The following CACNA1C variants were observed in gnomAD, a reference collection of about 807,000 sequenced individuals.
CACNA1C encodes the protein calcium voltage-gated channel subunit alpha1 C.
A neutral mutation model predicts 229.0 loss-of-function variants in CACNA1C; 30 were observed. That is an observed-to-expected ratio of 0.13 (90% CI 0.10 to 0.18). CACNA1C has a LOEUF of 0.18. CACNA1C is among the 10% of genes least tolerant of loss of function. The probability of loss-of-function intolerance (pLI) is 1.00; values close to 1 mark genes in which losing one functional copy is unlikely to be tolerated. For missense variants in CACNA1C, 1,658 were observed against 2,845.0 expected (o/e 0.58, Z 9.49); for synonymous variants, 1,114 against 1,132.5 (o/e 0.98, Z 0.33).
intron 3 of CACNA1C, among the ~76,000 whole-genome samples, chr12:2,127,962 T>C (rs2090779858): frequency 6.6e-6 from 1 of 152,236 alleles, no homozygotes; most frequent in African/African-American, 2.4e-5. Flanking sequence ...TAAATTATGC[T>C]TTCTATTTAT....
chr12:2,265,133 A>T (rs367737320), intron 3 of CACNA1C, among the ~76,000 whole-genome samples: 4 of 152,154 alleles, frequency 2.6e-5, no homozygotes, highest in African/African-American at 9.7e-5. Flanking sequence ...GAAGATCAGC[A>T]TCTTTGCTGG....
chr12:2,335,208 G>C lies in CACNA1C; in HGVS notation c.478-113768G>C, dbSNP rs10491963. Among the ~76,000 whole-genome samples, 274 of 152,286 alleles carry C rather than the reference G, an allele frequency of 1.8e-3. 2 individuals are homozygous for C. Among genetic ancestry groups the C allele is most frequent in the East Asian group, 0.014 (73 of 5,176 alleles). On this transcript the variant is annotated intron_variant, in intron 3 of 46. Transcript: ENST00000399655. Reference sequence around the variant, plus strand: ...CTCACCCGGCAGCCTCATCTTGGCTGCTGGCGATTTTAGGCTGGGTTCCAC... The same window carrying C: ...CTCACCCGGCAGCCTCATCTTGGCTCCTGGCGATTTTAGGCTGGGTTCCAC...
intron 1 of CACNA1C, among the ~76,000 whole-genome samples, chr12:2,068,600 A>G (rs2060207337): frequency 6.6e-6 from 1 of 152,246 alleles, no homozygotes; most frequent in African/African-American, 2.4e-5. Context: ...ATGCATAGAC[A>G]GTCCAGTGGC....
intron 1 of CACNA1C, among the ~76,000 whole-genome samples, chr12:2,021,741 G>T (rs1030275867): frequency 6.6e-6 from 1 of 152,052 alleles, no homozygotes; most frequent in Admixed American, 6.5e-5. Flanking sequence ...AGATCTAGGC[G>T]CCAGCATCTG....
Position 2,632,768 on chromosome 12 carries a change from G to A in CACNA1C, c.3829-1529G>A, listed in dbSNP as rs1047670962. ...TTTGATCACCGCGTGCCCTCTGCGC[G>A]GCGTCTGCATTCAGCAGGACCCTAC... On this transcript the variant is annotated intron_variant, in intron 29 of 46. Coordinates refer to ENST00000399655, the MANE Select transcript of CACNA1C (RefSeq NM_000719.7). This position sits in a 1 kb window ranked among gnomAD's most constrained non-coding sequence, Gnocchi z 4.1. 1.3e-5 allele frequency among the ~76,000 whole-genome samples: 2 copies of A among 152,090 alleles called. No homozygotes were observed. The highest frequency in any genetic ancestry group is 3.9e-4 in the East Asian group (2 of 5,174).
intron 3 of CACNA1C, among the ~76,000 whole-genome samples, chr12:2,139,250 C>T (rs1004139904): frequency 3.3e-5 from 5 of 150,844 alleles, no homozygotes; most frequent in South Asian, 2.1e-4. Context: ...TCTCTGCCTC[C>T]GTCTTCACAT....
chr12:2,480,610 G>A lies in CACNA1C; in HGVS notation c.758-5494G>A, dbSNP rs141256622. Among the ~76,000 whole-genome samples the A allele has an allele frequency of 1.5e-3, 223 of 152,282 alleles. 1 individual carries two copies. The highest frequency in any genetic ancestry group is 5.3e-3 in the Admixed American group (81 of 15,304). ...TCTTTGAGTGAAATGAAGGTATTGG[G>A]TTAGGTGATCCCAAAGTCCTCTTCC... is the stretch of plus-strand genomic sequence containing the variant. On this transcript the variant is annotated intron_variant, in intron 5 of 46. Transcript: ENST00000399655.
At chr12:2,642,290 CATCTT>C (rs925492414) in intron 30 of CACNA1C, among the ~76,000 whole-genome samples, 13 of 152,174 alleles carry the variant, frequency 8.5e-5, no homozygotes, top group African/African-American at 2.4e-4. Context: ...TTCCTGTTCT[CATCTT>C]ATCAACCCAC....
At chr12:2,004,467 G>A (rs1565897289) in intron 1 of CACNA1C, 1 of 1,582,148 alleles carries the variant, frequency 6.3e-7, no homozygotes, top group Non-Finnish European at 8.6e-7. Context: ...CGGGGCTCTT[G>A]GAAGCCACTC....
chr12:2,090,149 T>G (rs1254791460), intron 1 of CACNA1C, among the ~76,000 whole-genome samples: 1 of 152,206 alleles, frequency 6.6e-6, no homozygotes, highest in Non-Finnish European at 1.5e-5. Context: ...ATTTGACTAC[T>G]TTAGATACCT....
chr12:2,565,124 A>G (rs926159372), intron 11 of CACNA1C, among the ~76,000 whole-genome samples: 1 of 152,178 alleles, frequency 6.6e-6, no homozygotes, highest in African/African-American at 2.4e-5. Context: ...CATCTTAGCC[A>G]CTGGTTCTCA....
At position 2,695,058 on chromosome 12, in the gene CACNA1C, C is replaced by G. The variant is rs916977333; in HGVS notation, c.*3859C>G. ...AGAGGCCACAAAAAGGGCCTGCTGACTCCCAGAAGACCTCTTTAAACCCCA... is the reference window on the plus strand; with the variant it reads ...AGAGGCCACAAAAAGGGCCTGCTGAGTCCCAGAAGACCTCTTTAAACCCCA... On this transcript the variant is annotated 3_prime_UTR_variant, in exon 47 of 47. Transcript: ENST00000399655. 11 of 152,154 alleles carry G rather than the reference C, an allele frequency of 7.2e-5. No homozygotes were observed. Among genetic ancestry groups the G allele is most frequent in the African/African-American group, 2.2e-4 (9 of 41,404 alleles). The allele number at this position is 152,154 out of a possible 1,614,324, so 9.4% of individuals were successfully genotyped here. A position where few individuals can be genotyped will look rare whatever the true frequency, so the allele number is the denominator to read the frequency against.
At chr12:2,393,987 G>A (rs186072319) in intron 3 of CACNA1C, among the ~76,000 whole-genome samples, 1 of 152,020 alleles carries the variant, frequency 6.6e-6, no homozygotes, top group African/African-American at 2.4e-5. Flanking sequence ...TCATGGGCCT[G>A]TAGTCCCAGC....
chr12:2,076,324 A>G (rs1354475643), intron 1 of CACNA1C, among the ~76,000 whole-genome samples: 1 of 152,134 alleles, frequency 6.6e-6, no homozygotes, highest in Non-Finnish European at 1.5e-5. Context: ...GTCTGTTTTC[A>G]CTTCTGGATA....
intron 30 of CACNA1C, among the ~76,000 whole-genome samples, chr12:2,645,032 C>G (rs920355837): frequency 1.3e-5 from 2 of 152,138 alleles, no homozygotes; most frequent in African/African-American, 4.8e-5. Context: ...ATATCAATTA[C>G]GTGAACAAAT....
In CACNA1C at chr12:2,018,102, A is replaced by T. The variant is rs566729791; in HGVS notation, c.139+46901A>T. 7.2e-5 allele frequency: 11 copies of T among 152,362 alleles called. No individual in the cohort carries two copies. In the South Asian group the frequency reaches 1.7e-3, roughly 23 times the overall value. 9.4% of individuals were successfully genotyped at this position (152,362 alleles called of 1,614,324 possible). On this transcript the variant is annotated intron_variant, in intron 1 of 46. Transcript: ENST00000682462. ...TAACAGAACAATAAATCAAGCCCGG[A>T]TATGTCACATTTGCTGACCTCCCTG... is the stretch of plus-strand genomic sequence containing the variant.
intron 3 of CACNA1C, among the ~76,000 whole-genome samples, chr12:2,222,757 C>T (rs2061801505): frequency 1.3e-5 from 2 of 152,154 alleles, no homozygotes; most frequent in Admixed American, 1.3e-4. Flanking sequence ...TCCTGAGTGG[C>T]AGGCGGCTCT....
intron 38 of CACNA1C, chr12:2,672,316 A>G (rs1358016391): frequency 6.6e-6 from 1 of 152,268 alleles, no homozygotes; most frequent in African/African-American, 2.4e-5. Flanking sequence ...GAACTTCAAC[A>G]ATTACATAGA....
rs545575262 is a variant in CACNA1C, at chr12:2,602,980, C to T, written c.2960+1020C>T. 2.3e-4 allele frequency among the ~76,000 whole-genome samples: 35 copies of T among 152,276 alleles called. No individual in the cohort carries two copies. The Middle Eastern group carries it at 0.01, about 44-fold the overall frequency. On this transcript the variant is annotated intron_variant, in intron 22 of 46. Coordinates refer to ENST00000399655, the MANE Select transcript of CACNA1C (RefSeq NM_000719.7). The surrounding 1 kb of genome is among the most constrained non-coding windows in gnomAD (Gnocchi z 4.4). ...TCATGACACTTGCTCAAGGTCACAC[C>T]TGTGGTAGAGAAAGGCCTAAGTCCC...
Sources: gnomAD v4.1 joint callset for allele counts (sites outside exome capture counted in the v4.1 genomes callset) on GRCh38, gnomAD v4.1.1 for gene constraint, Gnocchi (gnomAD v3.1) non-coding constraint, MANE v1.5 for transcripts, NCBI Gene and HGNC (gene_info 2026-07-23, HGNC 2026-07-21) for gene names.